ARHGAP32: variants seen among roughly 807,000 people sequenced by gnomAD.
ARHGAP32 encodes Rho GTPase activating protein 32, also known as rho GTPase-activating protein 32.
ARHGAP32 carries 51 observed loss-of-function variants against 186.5 expected under a neutral mutation model. The ratio of observed to expected loss-of-function variants is 0.27; its 90% CI spans 0.22 to 0.35. The LOEUF (loss-of-function observed/expected upper bound fraction) is 0.35. Among genes scored for constraint, ARHGAP32 ranks in the 10% least tolerant of loss-of-function variants. The pLI is 1.00. For missense variants in ARHGAP32, 2,186 were observed against 2,623.5 expected (o/e 0.83, Z 3.64); for synonymous variants, 950 against 964.3 (o/e 0.99, Z 0.27).
chr11:129,050,481 C>T (rs548962397), intron 10 of ARHGAP32, among the ~76,000 whole-genome samples: 4 of 152,322 alleles, frequency 2.6e-5, no homozygotes, highest in East Asian at 3.9e-4. Flanking sequence ...GCCGGGACTA[C>T]AGGCACATGC....
chr11:129,229,376 ATTAT>A (rs1351758103), intron 1 of ARHGAP32, among the ~76,000 whole-genome samples: 3 of 152,074 alleles, frequency 2.0e-5, no homozygotes, highest in Admixed American at 1.3e-4. Context: ...TACAAATTAT[ATTAT>A]TTAAATAATT....
chr11:129,076,186 T>A (rs1377575503), intron 6 of ARHGAP32, among the ~76,000 whole-genome samples: 1 of 152,214 alleles, frequency 6.6e-6, no homozygotes, highest in Non-Finnish European at 1.5e-5. Flanking sequence ...AACCCTCAGT[T>A]CTGGGAACTA....
intron 6 of ARHGAP32, among the ~76,000 whole-genome samples, chr11:129,077,357 T>C (rs1272301804): frequency 3.3e-5 from 5 of 152,116 alleles, no homozygotes; most frequent in African/African-American, 9.7e-5. Flanking sequence ...GGGTGAAGCC[T>C]GAAAGCCCTG....
intron 1 of ARHGAP32, among the ~76,000 whole-genome samples, chr11:129,247,950 T>G (rs1945122776): frequency 6.6e-6 from 1 of 152,000 alleles, no homozygotes; most frequent in Admixed American, 6.6e-5. Flanking sequence ...AAAAGAAAAT[T>G]AAAAAACCCA....
chr11:129,252,657 A>G (rs1945200746), intron 1 of ARHGAP32, among the ~76,000 whole-genome samples: 1 of 152,210 alleles, frequency 6.6e-6, no homozygotes, highest in Non-Finnish European at 1.5e-5. Flanking sequence ...TGCTACGTGA[A>G]TTTGCATTAA....
chr11:129,160,841 C>T (rs1432576212), intron 2 of ARHGAP32, among the ~76,000 whole-genome samples: 1 of 152,068 alleles, frequency 6.6e-6, no homozygotes. Flanking sequence ...AAAGAGCCTG[C>T]ATAGCCAAGA....
intron 2 of ARHGAP32, among the ~76,000 whole-genome samples, chr11:129,129,012 G>A (rs1056068512): frequency 3.9e-5 from 6 of 152,198 alleles, no homozygotes; most frequent in African/African-American, 1.4e-4. Flanking sequence ...CACCCCGTCT[G>A]GGAAGTGAAG....
chr11:128,999,003 T>C (rs1946275734), intron 11 of ARHGAP32, among the ~76,000 whole-genome samples: 1 of 152,218 alleles, frequency 6.6e-6, no homozygotes, highest in East Asian at 1.9e-4. Flanking sequence ...ATGAACAATA[T>C]GAAATCTGGG....
chr11:129,041,042 C>T (rs757540910), intron 10 of ARHGAP32, 33 bp from the exon 11 acceptor site: 5 of 1,477,672 alleles, frequency 3.4e-6, no homozygotes, highest in Non-Finnish European at 3.7e-6. Flanking sequence ...GGATTCTAAA[C>T]CAGCAAACAG....
chr11:128,986,203 G>A (rs575731282), intron 14 of ARHGAP32, 118 bp from the exon 15 acceptor site: 10 of 781,678 alleles, frequency 1.3e-5, no homozygotes, highest in East Asian at 5.5e-5. Flanking sequence ...GTGAAATGGC[G>A]AGGAAACACA....
rs755810152 is a variant in ARHGAP32, at chr11:129,192,064, C to A, written c.116+19G>T. 6.3e-7 allele frequency: 1 copy of A among 1,578,408 alleles called. No homozygotes were observed. The highest frequency in any genetic ancestry group is 8.7e-7 in the Non-Finnish European group (1 of 1,147,994). On this transcript the variant is annotated intron_variant, in intron 1 of 22. Coordinates refer to ENST00000682385, the MANE Select transcript of ARHGAP32 (RefSeq NM_001378024.1). Reference sequence around the variant, plus strand: ...GTAGGGAGTGGACAGGACAAAGGAACTGTGAATTCCATAATCACCTGAACT... The same window carrying A: ...GTAGGGAGTGGACAGGACAAAGGAAATGTGAATTCCATAATCACCTGAACT...
rs575325485 is a variant in ARHGAP32 at position 128,980,511 on chromosome 11, C to T, written c.1976+42G>A. ...ACTAAAAGAAAATAATAGGACATAGCTATGAAAATCATATCCCAAAATAGG... is the reference window on the plus strand; with the variant it reads ...ACTAAAAGAAAATAATAGGACATAGTTATGAAAATCATATCCCAAAATAGG... On this transcript the variant is annotated intron_variant, in intron 18 of 22. Coordinates refer to ENST00000682385, the MANE Select transcript of ARHGAP32 (RefSeq NM_001378024.1). The T allele has an allele frequency of 3.4e-6, 5 of 1,469,354 alleles. No individual in the cohort carries two copies. The South Asian group carries it at 3.9e-5, about 11-fold the overall frequency. 91.0% of individuals were successfully genotyped at this position (1,469,354 alleles called of 1,614,324 possible). A position where few individuals can be genotyped will look rare whatever the true frequency, so the allele number is the denominator to read the frequency against.
chr11:129,128,784 C>A (rs938934396), intron 2 of ARHGAP32, among the ~76,000 whole-genome samples: 1 of 152,202 alleles, frequency 6.6e-6, no homozygotes, highest in Non-Finnish European at 1.5e-5. Context: ...GGGGTTTCGC[C>A]GTGTTGGCCG....
At chr11:129,263,933 C>T (rs1204788348) in intron 1 of ARHGAP32, among the ~76,000 whole-genome samples, 1 of 152,128 alleles carries the variant, frequency 6.6e-6, no homozygotes, top group Admixed American at 6.5e-5. Context: ...GAGGTATTTG[C>T]ATACTCATGT....
chr11:129,174,527 G>A (rs1943859270), intron 1 of ARHGAP32, among the ~76,000 whole-genome samples: 1 of 152,214 alleles, frequency 6.6e-6, no homozygotes, highest in Admixed American at 6.5e-5. Flanking sequence ...AACCTCTGCA[G>A]ACTTAAATGT....
At chr11:129,251,697 G>A (rs559356125) in intron 1 of ARHGAP32, among the ~76,000 whole-genome samples, 82 of 152,062 alleles carry the variant, frequency 5.4e-4, no homozygotes, top group Non-Finnish European at 9.3e-4. Context: ...AGGCCGAGGT[G>A]GGGGGATCAC....
At chr11:129,055,479 A>G (rs1390999226) in intron 10 of ARHGAP32, among the ~76,000 whole-genome samples, 1 of 152,268 alleles carries the variant, frequency 6.6e-6, no homozygotes, top group African/African-American at 2.4e-5. Flanking sequence ...AATAACCTGC[A>G]CATAGATGTT....
intron 19 of ARHGAP32, among the ~76,000 whole-genome samples, chr11:128,978,372 A>G (rs978482577): frequency 6.6e-6 from 1 of 152,190 alleles, no homozygotes; most frequent in Non-Finnish European, 1.5e-5. Flanking sequence ...AATAAAAAAT[A>G]CCTTCTTTAG....
chr11:129,158,266 A>G (rs1458663070), intron 2 of ARHGAP32, among the ~76,000 whole-genome samples: 1 of 152,176 alleles, frequency 6.6e-6, no homozygotes, highest in Non-Finnish European at 1.5e-5. Context: ...CCCCAATTAA[A>G]AGACACAGAC....
Sources: allele counts gnomAD v4.1 joint callset (sites outside exome capture counted in the v4.1 genomes callset), GRCh38; gene constraint gnomAD v4.1.1; transcripts MANE v1.5; gene names NCBI Gene and HGNC (gene_info 2026-07-23, HGNC 2026-07-21).